The following ARHGAP20 variants were observed in gnomAD, a reference collection of about 807,000 sequenced individuals.
ARHGAP20 encodes the protein rho GTPase-activating protein 20.
Under a neutral mutation model 73.7 loss-of-function variants are expected in ARHGAP20, and 34 were observed. The observed-to-expected ratio is 0.46, with a 90% CI of 0.35 to 0.61. The LOEUF (loss-of-function observed/expected upper bound fraction) is 0.61. ARHGAP20 is among the 20% of genes least tolerant of loss of function. The pLI, the probability that ARHGAP20 is intolerant of heterozygous loss-of-function variation, is 0.00. For synonymous variants in ARHGAP20, 523 were observed against 518.2 expected (o/e 1.01, Z -0.13); for missense variants, 1,314 against 1,420.9 (o/e 0.92, Z 1.21).
intron 2 of ARHGAP20, among the ~76,000 whole-genome samples, chr11:110,642,887 A>G (rs774395742): frequency 2.6e-5 from 4 of 152,110 alleles, no homozygotes; most frequent in Non-Finnish European, 5.9e-5. Context: ...GTCTGGTAGA[A>G]TTCGGCTGTG....
chr11:110,665,832 T>C (rs978096008), intron 2 of ARHGAP20, among the ~76,000 whole-genome samples: 4 of 152,178 alleles, frequency 2.6e-5, no homozygotes, highest in African/African-American at 9.7e-5. Context: ...GAAGAATTCA[T>C]GTACCCAAAA....
chr11:110,635,257 GCATCAT>G (rs1233252773), intron 2 of ARHGAP20, among the ~76,000 whole-genome samples: 3 of 151,952 alleles, frequency 2.0e-5, no homozygotes, highest in African/African-American at 7.2e-5. Context: ...CTCCTGATCA[GCATCAT>G]CATCATCAAC....
At chr11:110,652,512 A>G (rs1949378189) in intron 2 of ARHGAP20, among the ~76,000 whole-genome samples, 2 of 152,174 alleles carry the variant, frequency 1.3e-5, no homozygotes, top group Non-Finnish European at 2.9e-5. Flanking sequence ...AAAGCTTCTT[A>G]GGCTGATAAG....
intron 2 of ARHGAP20, among the ~76,000 whole-genome samples, chr11:110,656,370 A>G (rs989754135): frequency 1.3e-5 from 2 of 152,096 alleles, no homozygotes; most frequent in African/African-American, 4.8e-5. Context: ...AATTGGTGGA[A>G]GCTCTTGGGC....
intron 1 of ARHGAP20, among the ~76,000 whole-genome samples, chr11:110,700,571 TTTTTC>T (rs1206452597): frequency 2.0e-5 from 3 of 151,864 alleles, no homozygotes; most frequent in African/African-American, 4.8e-5. Context: ...ATTACTTTTT[TTTTTC>T]TTTCTTTTTT....
chr11:110,607,183 A>G lies in ARHGAP20; in HGVS notation c.776-434T>C, dbSNP rs7122931. ...TATTTTTTCTACCTACCACAGAAGT[A>G]TAAGGATCTATATATGTCAAGTATC... On this transcript the variant is annotated intron_variant, in intron 8 of 14. Transcript: ENST00000683387. Among the ~76,000 whole-genome samples, 610 of 152,368 alleles carry G rather than the reference A, an allele frequency of 4.0e-3. 6 individuals carry two copies. The highest frequency in any genetic ancestry group is 0.014 in the African/African-American group (570 of 41,590).
At chr11:110,592,584 T>C (rs1471221116) in intron 9 of ARHGAP20, among the ~76,000 whole-genome samples, 2 of 150,172 alleles carry the variant, frequency 1.3e-5, no homozygotes, top group Admixed American at 1.3e-4. Flanking sequence ...AAAAAGAAAG[T>C]GTGAAGAGGG....
chr11:110,626,593 G>A (rs1055769741), intron 3 of ARHGAP20, among the ~76,000 whole-genome samples: 1 of 152,206 alleles, frequency 6.6e-6, no homozygotes, highest in African/African-American at 2.4e-5. Context: ...AACTTGGACA[G>A]TGTTGACTCC....
chr11:110,698,464 T>A (rs944896200), intron 1 of ARHGAP20, among the ~76,000 whole-genome samples: 1 of 151,792 alleles, frequency 6.6e-6, no homozygotes, highest in Non-Finnish European at 1.5e-5. Context: ...TCCCTCCTCA[T>A]TGGTTTTTTA....
At chr11:110,644,886 A>G (rs1204878081) in intron 2 of ARHGAP20, among the ~76,000 whole-genome samples, 2 of 152,200 alleles carry the variant, frequency 1.3e-5, no homozygotes, top group Admixed American at 6.5e-5. Flanking sequence ...TTCACAAACT[A>G]TGCATCTGAC....
At chr11:110,636,865 C>T (rs562377136) in intron 2 of ARHGAP20, among the ~76,000 whole-genome samples, 144 of 151,946 alleles carry the variant, frequency 9.5e-4, no homozygotes, top group Admixed American at 1.7e-3. Context: ...GTTTATTTTA[C>T]TCTTTTAGAG....
intron 11 of ARHGAP20, among the ~76,000 whole-genome samples, chr11:110,588,087 C>A (rs148283761): frequency 2.6e-5 from 4 of 152,166 alleles, no homozygotes; most frequent in Non-Finnish European, 4.4e-5. Flanking sequence ...ACATCTTAAA[C>A]CTACACTTGA....
At chr11:110,683,885 C>A (rs1484903176) in intron 2 of ARHGAP20, among the ~76,000 whole-genome samples, 1 of 152,046 alleles carries the variant, frequency 6.6e-6, no homozygotes, top group Non-Finnish European at 1.5e-5. Flanking sequence ...AGAGGTGAGG[C>A]TTTTGGAGGT....
At chr11:110,669,248 T>A (rs914592813) in intron 2 of ARHGAP20, among the ~76,000 whole-genome samples, 1 of 152,192 alleles carries the variant, frequency 6.6e-6, no homozygotes, top group East Asian at 1.9e-4. Context: ...GTGCTGCCAG[T>A]AGAATTTTCT....
chr11:110,653,107 A>G (rs981641441), intron 2 of ARHGAP20, among the ~76,000 whole-genome samples: 1 of 152,154 alleles, frequency 6.6e-6, no homozygotes, highest in Non-Finnish European at 1.5e-5. Flanking sequence ...AAAACCCCAA[A>G]CTATAAAAAT....
At chr11:110,676,822 T>C (rs534579637) in intron 2 of ARHGAP20, among the ~76,000 whole-genome samples, 196 of 152,182 alleles carry the variant, frequency 1.3e-3, no homozygotes, top group African/African-American at 4.5e-3. Flanking sequence ...AATAAGTTTT[T>C]TTTTTAAAAA....
rs1947312702 is a variant in ARHGAP20 at position 110,577,362 on chromosome 11, A to T, written c.*2008T>A. 1 of 1,223,464 alleles carries T rather than the reference A, an allele frequency of 8.2e-7. No individual in the cohort carries two copies. Among genetic ancestry groups the T allele is most frequent in the African/African-American group, 1.6e-5 (1 of 64,130 alleles). The allele number at this position is 1,223,464 out of a possible 1,614,324, so 75.8% of individuals were successfully genotyped here. On this transcript the variant is annotated 3_prime_UTR_variant, in exon 15 of 15. Coordinates refer to ENST00000683387, the MANE Select transcript of ARHGAP20 (RefSeq NM_001384657.1). The stretch of plus-strand genomic sequence containing the variant: ...TAACAAACTATTCACATTAAGAATT[A>T]CAGGAGTATCTAAGGGAACACAGAT...
Position 110,712,218 on chromosome 11 carries a change from G to T in ARHGAP20, c.14C>A (p.Ser5Tyr). MEAM[S>Y]PQQETLGGQP... ...TCCCCCTAGAGTCTCCTGCTGGGGG[G>T]ACATCGCTTCCATGAAGAAAATCTT... The change falls in exon 1 of 15, where the codon TCC becomes TAC. Residue 5 changes from serine (S) to tyrosine (Y), a missense_variant. Ser to Tyr is a moderately radical substitution (Grantham distance 144). Around this residue, in one of 3 missense-constraint regions of ARHGAP20, gnomAD observed 443 missense variants for 466.4 expected, o/e 0.95. Transcript: ENST00000683387. 1 of 1,363,950 alleles carries T rather than the reference G, an allele frequency of 7.3e-7. No homozygotes were observed. Among genetic ancestry groups the T allele is most frequent in the Non-Finnish European group, 9.5e-7 (1 of 1,050,170 alleles). The allele number at this position is 1,363,950 out of a possible 1,614,324, so 84.5% of individuals were successfully genotyped here. A position where few individuals can be genotyped will look rare whatever the true frequency, so the allele number is the denominator to read the frequency against.
chr11:110,608,878 T>C (rs1032367180), intron 8 of ARHGAP20, 106 bp downstream of exon 8: 2 of 855,766 alleles, frequency 2.3e-6, no homozygotes, highest in African/African-American at 3.4e-5. Context: ...TGAAATTTCA[T>C]ATTTAATAGT....
Sources: gnomAD v4.1 joint callset for allele counts (sites outside exome capture counted in the v4.1 genomes callset) on GRCh38, gnomAD v4.1.1 for gene constraint, gnomAD v4.1.1 regional missense constraint, MANE v1.5 for transcripts, NCBI Gene and HGNC (gene_info 2026-07-23, HGNC 2026-07-21) for gene names.